Variants in PC observed in about 807,000 individuals in gnomAD.
PC encodes the protein pyruvate carboxylase.
PC carries 46 observed loss-of-function variants against 107.8 expected under a neutral mutation model. That is an observed-to-expected ratio of 0.43 (90% CI 0.34 to 0.55). PC has a LOEUF of 0.55. Ranked by LOEUF, PC falls within the 20% of genes least tolerant of loss-of-function variation. The pLI is 0.04. For synonymous variants in PC, 662 were observed against 684.7 expected (o/e 0.97, Z 0.52); for missense variants, 1,241 against 1,643.1 (o/e 0.76, Z 4.23).
chr11:66,880,151 A>G (rs1363730742), intron 3 of PC, among the ~76,000 whole-genome samples: 2 of 152,144 alleles, frequency 1.3e-5, no homozygotes, highest in Non-Finnish European at 2.9e-5. Context: ...TTCCTTATCG[A>G]ATGGCACTGC....
In PC at chr11:66,870,730, G is replaced by A. The variant is rs146348440; in HGVS notation, c.751+45C>T. On this transcript the variant is annotated intron_variant, in intron 8 of 22. Transcript: ENST00000393960. This position sits in a 1 kb window ranked among gnomAD's most constrained non-coding sequence, Gnocchi z 6.1. ...GACGGCACCAGGACTGGGCCTCTCAGCTCCCGCCTCCAGCTGCCCCAGGCG... is the reference window on the plus strand; with the variant it reads ...GACGGCACCAGGACTGGGCCTCTCAACTCCCGCCTCCAGCTGCCCCAGGCG... 7.7e-5 allele frequency: 119 copies of A among 1,551,538 alleles called. 1 individual carries two copies. The African/African-American group carries it at 1.4e-3, about 18-fold the overall frequency.
intron 3 of PC, among the ~76,000 whole-genome samples, chr11:66,884,113 A>G (rs1164953450): frequency 6.6e-6 from 1 of 151,966 alleles, no homozygotes; most frequent in Admixed American, 6.6e-5. Context: ...GCATGGTGGC[A>G]CACGCCTGTA....
At position 66,939,844 on chromosome 11, in the gene PC, CA is replaced by C. The variant is rs1330025290; in HGVS notation, c.-1+12585del. Among the ~76,000 whole-genome samples, 10 of 88,804 alleles carry C rather than the reference CA, an allele frequency of 1.1e-4. No individual in the cohort carries two copies. The East Asian group carries it at 1.6e-3, about 14-fold the overall frequency. The allele number at this position is 88,804 out of a possible 152,430, so 58.3% of individuals were successfully genotyped here. A position where few individuals can be genotyped will look rare whatever the true frequency, so the allele number is the denominator to read the frequency against. On this transcript the variant is annotated intron_variant, in intron 3 of 22. Coordinates refer to ENST00000393960, the MANE Select transcript of PC (RefSeq NM_001040716.2). The stretch of plus-strand genomic sequence containing the variant: ...AAAAAAAACCAAAAACAAGAAAAAA[CA>C]AAAAAAAAACAACTCCTGCAGAGAC...
intron 16 of PC, 133 bp from the exon 17 acceptor site, chr11:66,851,413 G>T: frequency 7.5e-7 from 1 of 1,325,118 alleles, no homozygotes; most frequent in Non-Finnish European, 1.0e-6. Flanking sequence ...AGGGGGTGTG[G>T]CATCCACAGG....
intron 3 of PC, among the ~76,000 whole-genome samples, chr11:66,924,365 C>A (rs1426425154): frequency 9.3e-5 from 2 of 21,502 alleles, no homozygotes; most frequent in South Asian, 1.5e-3. Context: ...GACCCCATCT[C>A]TACCAAAAAA....
intron 3 of PC, among the ~76,000 whole-genome samples, chr11:66,899,425 C>T (rs113821300): frequency 2.0e-5 from 3 of 152,122 alleles, no homozygotes; most frequent in Non-Finnish European, 4.4e-5. Flanking sequence ...CTCACTCTGT[C>T]GCCCAGGCTG....
At position 66,871,313 on chromosome 11, in the gene PC, AC is replaced by A. The variant is rs1383141599; in HGVS notation, c.487+1del. On this transcript the variant is annotated splice_donor_variant, in intron 6 of 22. Transcript: ENST00000393960. LOFTEE classifies it high-confidence loss of function. This position sits in a 1 kb window ranked among gnomAD's most constrained non-coding sequence, Gnocchi z 7.4. ...CACCCCTTGCTTGCCCGTTATATTC[AC>A]CCGCAGCAATGGCGATGGCCCGGGC... 6.2e-7 allele frequency: 1 copy of A among 1,613,738 alleles called. No individual in the cohort carries two copies. Among genetic ancestry groups the A allele is most frequent in the Non-Finnish European group, 8.5e-7 (1 of 1,179,972 alleles).
chr11:66,891,894 G>T (rs902585252), intron 3 of PC, among the ~76,000 whole-genome samples: 1 of 152,186 alleles, frequency 6.6e-6, no homozygotes, highest in African/African-American at 2.4e-5. Flanking sequence ...TATTACTGAA[G>T]TTGGCTATTT....
At chr11:66,956,582 T>A (rs1477871170) in intron 1 of PC, among the ~76,000 whole-genome samples, 2 of 152,034 alleles carry the variant, frequency 1.3e-5, no homozygotes, top group Admixed American at 1.3e-4. Flanking sequence ...CGAAACTCCA[T>A]CTCAAAAAAC....
intron 13 of PC, 114 bp downstream of exon 13, chr11:66,853,112 AGGGCAGGGGTGAG>A (rs1945604422): frequency 3.0e-5 from 32 of 1,055,478 alleles, no homozygotes; most frequent in Non-Finnish European, 4.4e-5. Flanking sequence ...GGCCAGAATG[AGGGCAGGGGTGAG>A]GGGCAGGGGG....
chr11:66,849,439 T>C, intron 21 of PC, 69 bp from the exon 22 acceptor site: 2 of 1,607,818 alleles, frequency 1.2e-6, no homozygotes, highest in Non-Finnish European at 1.7e-6. Context: ...GCCCTGGCCA[T>C]AGGAAGTCCC....
intron 3 of PC, among the ~76,000 whole-genome samples, chr11:66,878,473 G>C (rs1431256521): frequency 6.6e-6 from 1 of 152,222 alleles, no homozygotes; most frequent in African/African-American, 2.4e-5. Context: ...CTGCCCCACA[G>C]CGTGGCCACC....
At chr11:66,859,795 CGCCCCT>C (rs1565228362) in intron 12 of PC, 1 of 1,595,162 alleles carries the variant, frequency 6.3e-7, no homozygotes, top group Non-Finnish European at 8.5e-7. Flanking sequence ...CTGCCGGCCT[CGCCCCT>C]GTGCCACGCC....
intron 3 of PC, among the ~76,000 whole-genome samples, chr11:66,928,864 G>C (rs936550284): frequency 6.6e-6 from 1 of 152,012 alleles, no homozygotes; most frequent in Admixed American, 6.6e-5. Flanking sequence ...GAAATCAAAA[G>C]GCTAAAATAG....
chr11:66,874,122 G>T (rs1246327120), intron 3 of PC, among the ~76,000 whole-genome samples: 1 of 152,144 alleles, frequency 6.6e-6, no homozygotes, highest in South Asian at 2.1e-4. Flanking sequence ...ACCACGCCCA[G>T]CTAATTTTTG....
intron 12 of PC, chr11:66,859,005 G>A: frequency 6.6e-7 from 1 of 1,525,862 alleles, no homozygotes; most frequent in Non-Finnish European, 8.8e-7. Context: ...CTCAGGGCTG[G>A]TGAGCTGGGG....
chr11:66,857,627 C>A lies in PC; in HGVS notation c.1369-4244G>T. 2 of 1,191,926 alleles carry A rather than the reference C, an allele frequency of 1.7e-6. No individual in the cohort carries two copies. The highest frequency in any genetic ancestry group is 1.5e-5 in the African/African-American group (1 of 64,936). The allele number at this position is 1,191,926 out of a possible 1,614,324, so 73.8% of individuals were successfully genotyped here. On this transcript the variant is annotated intron_variant, in intron 12 of 22. Coordinates refer to ENST00000393960, the MANE Select transcript of PC (RefSeq NM_001040716.2). The surrounding 1 kb of genome is among the most constrained non-coding windows in gnomAD (Gnocchi z 7.1). ...CGGCCCTCTTGGGCCTCTGACCCAG[C>A]CCCTCCCCGGGCCAGGCTCACAGAA...
chr11:66,920,055 A>G (rs1443697249), intron 3 of PC, among the ~76,000 whole-genome samples: 1 of 152,230 alleles, frequency 6.6e-6, no homozygotes, highest in Non-Finnish European at 1.5e-5. Context: ...GAACGGACTC[A>G]GAACAAGGCT....
chr11:66,899,343 G>A (rs1364084149), intron 3 of PC, among the ~76,000 whole-genome samples: 2 of 152,066 alleles, frequency 1.3e-5, no homozygotes, highest in Non-Finnish European at 2.9e-5. Context: ...TGTGCCACAC[G>A]ATGTTGCAGT....
Sources: gnomAD v4.1 joint callset for allele counts (sites outside exome capture counted in the v4.1 genomes callset) on GRCh38, gnomAD v4.1.1 for gene constraint, Gnocchi (gnomAD v3.1) non-coding constraint, MANE v1.5 for transcripts, NCBI Gene and HGNC (gene_info 2026-07-23, HGNC 2026-07-21) for gene names.